MFSD6: variants seen among roughly 807,000 people sequenced by gnomAD.
The protein encoded by MFSD6 is major facilitator superfamily domain containing 6.
Under a neutral mutation model 56.3 loss-of-function variants are expected in MFSD6, and 26 were observed. The ratio of observed to expected loss-of-function variants is 0.46; its 90% confidence interval spans 0.34 to 0.64. The LOEUF (loss-of-function observed/expected upper bound fraction) is 0.64. Among genes scored for constraint, MFSD6 ranks in the 30% least tolerant of loss-of-function variants. The probability of loss-of-function intolerance (pLI) is 0.01; values close to 1 mark genes in which losing one functional copy is unlikely to be tolerated. For synonymous variants in MFSD6, 331 were observed against 366.9 expected, an observed-to-expected ratio of 0.90 and a Z score of 1.12; for missense variants, 750 against 986.2, an observed-to-expected ratio of 0.76 and a Z score of 3.21.
At chr2:190,452,480 T>C (rs554502825) in intron 3 of MFSD6, among the ~76,000 whole-genome samples, 6 of 152,280 alleles carry the variant, frequency 3.9e-5, no homozygotes, top group South Asian at 2.1e-4. Context: ...ATTTTAGAGA[T>C]GAGAATTGTA....
At position 190,500,225 on chromosome 2, in the gene MFSD6, C is replaced by T; in HGVS notation, c.*7C>T. ...GGCCGCGGGAGGACACTGAGGGCAT[C>T]CTGCTCATCTCACACCCTGCATGGA... On this transcript the variant is annotated 3_prime_UTR_variant, in exon 8 of 8. Coordinates refer to ENST00000392328, the MANE Select transcript of MFSD6 (RefSeq NM_017694.4). The surrounding 1 kb of genome is among the most constrained non-coding windows in gnomAD (Gnocchi z 5.3). 1 of 1,614,020 alleles carries T rather than the reference C, an allele frequency of 6.2e-7. No homozygotes were observed. The highest frequency in any genetic ancestry group is 1.3e-5 in the African/African-American group (1 of 75,050).
chr2:190,434,983 G>A lies in MFSD6; in HGVS notation c.-53-994G>A, dbSNP rs145314666. ...GAACGCTATTGTGAACTGTGCATGC[G>A]AGGGATGTAGGTTGTGTGCTCCTTA... On this transcript the variant is annotated intron_variant, in intron 2 of 7. Transcript: ENST00000392328. This position sits in a 1 kb window ranked among gnomAD's most constrained non-coding sequence, Gnocchi z 4.3. Among the ~76,000 whole-genome samples, 8 of 152,282 alleles carry A rather than the reference G, an allele frequency of 5.3e-5. No homozygotes were observed. Among genetic ancestry groups the A allele is most frequent in the East Asian group, 1.9e-4 (1 of 5,188 alleles).
intron 2 of MFSD6, among the ~76,000 whole-genome samples, chr2:190,419,917 T>C (rs2124995596): frequency 6.6e-6 from 1 of 152,332 alleles, no homozygotes; most frequent in African/African-American, 2.4e-5. Flanking sequence ...TGAGAAGACT[T>C]CTGCTTTCCT....
intron 2 of MFSD6, among the ~76,000 whole-genome samples, chr2:190,430,965 G>A (rs1164584628): frequency 2.0e-5 from 3 of 150,456 alleles, no homozygotes; most frequent in African/African-American, 7.4e-5. Context: ...GCTGCTGGGT[G>A]AAGGGGCTCC....
Position 190,436,361 on chromosome 2 carries a change from A to T in MFSD6, c.332A>T (p.Tyr111Phe). 6.2e-7 allele frequency: 1 copy of T among 1,614,210 alleles called. No homozygotes were observed. Among genetic ancestry groups the T allele is most frequent in the Non-Finnish European group, 8.5e-7 (1 of 1,180,024 alleles). Residue 111 changes from tyrosine (Y) to phenylalanine (F), a missense_variant, in exon 3 of 8, where the codon TAC becomes TTC. Transcript: ENST00000392328. The surrounding 1 kb of genome is among the most constrained non-coding windows in gnomAD (Gnocchi z 5.3). ...SQSGLLVGIRYFIEFCSAPFW... is the reference protein window; with the variant it reads ...SQSGLLVGIRFFIEFCSAPFW... ...AGTGGACTACTAGTAGGTATTCGTT[A>T]CTTCATTGAATTCTGCAGTGCCCCC... is the stretch of plus-strand genomic sequence containing the variant.
intron 3 of MFSD6, among the ~76,000 whole-genome samples, chr2:190,448,482 T>G (rs1023334251): frequency 1.7e-4 from 26 of 152,172 alleles, no homozygotes; most frequent in African/African-American, 6.3e-4. Context: ...ATGCAGGGGT[T>G]AAAAGAAATA....
In MFSD6 at chr2:190,436,676, C is replaced by T. The variant is rs780979810; in HGVS notation, c.647C>T (p.Thr216Ile). 8 of 1,614,090 alleles carry T rather than the reference C, an allele frequency of 5.0e-6. No individual in the cohort carries two copies. Among genetic ancestry groups the T allele is most frequent in the Non-Finnish European group, 6.8e-6 (8 of 1,180,048 alleles). Residue 216 changes from threonine to isoleucine, a missense_variant, in exon 3 of 8, where the codon ACA becomes ATA. By Grantham distance (89) the Thr-to-Ile change is moderately conservative (BLOSUM62 -1). Transcript: ENST00000392328. The surrounding 1 kb of genome is among the most constrained non-coding windows in gnomAD (Gnocchi z 5.3). Reference sequence around the variant, plus strand: ...GTCTCAGACACCGTTACTTTGCCAACAGCTCCAAACATGAACAGTGAACCC... The same window carrying T: ...GTCTCAGACACCGTTACTTTGCCAATAGCTCCAAACATGAACAGTGAACCC... ...LNVSDTVTLPTAPNMNSEPTL... is the reference protein window; with the variant it reads ...LNVSDTVTLPIAPNMNSEPTL...
chr2:190,453,908 G>C (rs916560383), intron 3 of MFSD6, among the ~76,000 whole-genome samples: 3 of 152,184 alleles, frequency 2.0e-5, no homozygotes, highest in Non-Finnish European at 2.9e-5. Flanking sequence ...ACATGTCAGA[G>C]AGTGGCATTG....
In MFSD6 at chr2:190,498,001, T is replaced by C. The variant is rs1043662479; in HGVS notation, c.2172+282T>C. ...TAAAATAAATTAATCCATTCTTTCA[T>C]TGTATATTTGTTTTAAATTTCAGTA... On this transcript the variant is annotated intron_variant, in intron 7 of 7. Coordinates refer to ENST00000392328, the MANE Select transcript of MFSD6 (RefSeq NM_017694.4). The surrounding 1 kb of genome is among the most constrained non-coding windows in gnomAD (Gnocchi z 5.9). The C allele has an allele frequency of 7.4e-6, 2 of 269,932 alleles. No homozygotes were observed. The highest frequency in any genetic ancestry group is 7.3e-5 in the East Asian group (1 of 13,782). 16.7% of individuals were successfully genotyped at this position (269,932 alleles called of 1,614,324 possible).
chr2:190,481,272 A>C (rs1294348717), intron 4 of MFSD6, among the ~76,000 whole-genome samples: 1 of 152,242 alleles, frequency 6.6e-6, no homozygotes, highest in Non-Finnish European at 1.5e-5. Flanking sequence ...TTGTTACATC[A>C]GTTATAGACT....
rs143925326 is a variant in MFSD6 at position 190,436,662 on chromosome 2, C to T, written c.633C>T (p.Thr211=). The T allele has an allele frequency of 2.5e-5, 41 of 1,614,154 alleles. No homozygotes were observed. The highest frequency in any genetic ancestry group is 8.9e-5 in the East Asian group (4 of 44,886). Residue 211 remains threonine (T), a synonymous_variant, in exon 3 of 8, where the codon ACC becomes ACT. Coordinates refer to ENST00000392328, the MANE Select transcript of MFSD6 (RefSeq NM_017694.4). This position sits in a 1 kb window ranked among gnomAD's most constrained non-coding sequence, Gnocchi z 5.3. ...LLETRLNVSD[T]VTLPTAPNMN... is the part of the protein sequence containing the mutation. ...AAACAAGGCTCAATGTCTCAGACAC[C>T]GTTACTTTGCCAACAGCTCCAAACA...
Position 190,497,599 on chromosome 2 carries a change from CA to C in MFSD6, c.2055del (p.Lys685AsnfsTer12), listed in dbSNP as rs778720224. 6.2e-7 allele frequency: 1 copy of C among 1,614,170 alleles called. No individual in the cohort carries two copies. The highest frequency in any genetic ancestry group is 8.5e-7 in the Non-Finnish European group (1 of 1,180,024). ...ACCAGGAAGAACAGGAAGATGTGAACAAACCAGCCTGGGGAGTCAGCTCTTC... is the reference window on the plus strand; with the variant it reads ...ACCAGGAAGAACAGGAAGATGTGAACAACCAGCCTGGGGAGTCAGCTCTTC... ...KHQEEQEDVN[K>X]PAWGVSSSPW... On this transcript the variant is annotated frameshift_variant, in exon 7 of 8. Transcript: ENST00000392328. LOFTEE classifies it high-confidence loss of function. The surrounding 1 kb of genome is among the most constrained non-coding windows in gnomAD (Gnocchi z 5.2).
chr2:190,407,882 C>CA (rs1297321260), upstream of MFSD6, among the ~76,000 whole-genome samples: 27 of 152,210 alleles, frequency 1.8e-4, 1 homozygote, highest in Admixed American at 1.8e-3. This position sits in a 1 kb window ranked among gnomAD's most constrained non-coding sequence, Gnocchi z 5.4. Flanking sequence ...AAAAGGCGCT[C>CA]AAGGAATAAG....
chr2:190,449,155 A>C (rs1027881552), intron 3 of MFSD6, among the ~76,000 whole-genome samples: 1 of 152,180 alleles, frequency 6.6e-6, no homozygotes, highest in African/African-American at 2.4e-5. Flanking sequence ...CTTTAAAATG[A>C]GATCAGGTGC....
rs140747165 is a variant in MFSD6, at chr2:190,439,301, T to C, written c.1532+1740T>C. Among the ~76,000 whole-genome samples the C allele has an allele frequency of 6.6e-5, 10 of 152,260 alleles. No homozygotes were observed. The highest frequency in any genetic ancestry group is 2.4e-4 in the African/African-American group (10 of 41,554). ...ATCATTATTTAATAAGTCAATAGCA[T>C]GAGTTGAACACTGACTCAGTACAGA... is the stretch of plus-strand genomic sequence containing the variant. On this transcript the variant is annotated intron_variant, in intron 3 of 7. Coordinates refer to ENST00000392328, the MANE Select transcript of MFSD6 (RefSeq NM_017694.4). This position sits in a 1 kb window ranked among gnomAD's most constrained non-coding sequence, Gnocchi z 5.8.
rs1415981981 is a variant in MFSD6 at position 190,465,869 on chromosome 2, T to C, written c.1533-3889T>C. On this transcript the variant is annotated intron_variant, in intron 3 of 7. Coordinates refer to ENST00000392328, the MANE Select transcript of MFSD6 (RefSeq NM_017694.4). The surrounding 1 kb of genome is among the most constrained non-coding windows in gnomAD (Gnocchi z 4.6). Reference sequence around the variant, plus strand: ...TTAGCCGGGCCTGGTAGCATGCACCTGTAATCTCAGCTACTTGGGAGGCTG... The same window carrying C: ...TTAGCCGGGCCTGGTAGCATGCACCCGTAATCTCAGCTACTTGGGAGGCTG... Among the ~76,000 whole-genome samples, 1 of 152,194 alleles carries C rather than the reference T, an allele frequency of 6.6e-6. No individual in the cohort carries two copies. The highest frequency in any genetic ancestry group is 6.5e-5 in the Admixed American group (1 of 15,280).
chr2:190,449,662 A>AT (rs374080691), intron 3 of MFSD6, among the ~76,000 whole-genome samples: 1 of 152,000 alleles, frequency 6.6e-6, no homozygotes, highest in Non-Finnish European at 1.5e-5. Flanking sequence ...TAGCACATAT[A>AT]ACCATGAAAT....
intron 2 of MFSD6, among the ~76,000 whole-genome samples, chr2:190,429,428 C>T (rs576782818): frequency 3.3e-5 from 5 of 151,234 alleles, no homozygotes; most frequent in Admixed American, 2.0e-4. Context: ...TGGGTTCAAG[C>T]GATTCTCCTG....
Position 190,437,608 on chromosome 2 carries a change from C to A in MFSD6, c.1532+47C>A. 1 of 1,567,902 alleles carries A rather than the reference C, an allele frequency of 6.4e-7. No individual in the cohort carries two copies. The highest frequency in any genetic ancestry group is 1.2e-5 in the South Asian group (1 of 84,040). On this transcript the variant is annotated intron_variant, in intron 3 of 7. Coordinates refer to ENST00000392328, the MANE Select transcript of MFSD6 (RefSeq NM_017694.4). The surrounding 1 kb of genome is among the most constrained non-coding windows in gnomAD (Gnocchi z 5.9). ...CTGCCCCTCAGCAATTGAACTTTATCTTTTTATGGTTTATAGCTCCTTCTA... is the reference window on the plus strand; with the variant it reads ...CTGCCCCTCAGCAATTGAACTTTATATTTTTATGGTTTATAGCTCCTTCTA...
Sources: gnomAD v4.1 joint callset for allele counts (sites outside exome capture counted in the v4.1 genomes callset) on GRCh38, gnomAD v4.1.1 for gene constraint, Gnocchi (gnomAD v3.1) non-coding constraint, MANE v1.5 for transcripts, NCBI Gene and HGNC (gene_info 2026-07-23, HGNC 2026-07-21) for gene names.